The following BTBD9 variants were observed in gnomAD, a reference collection of about 807,000 sequenced individuals.
BTBD9 encodes BTB/POZ domain-containing protein 9.
Under a neutral mutation model 64.3 loss-of-function variants are expected in BTBD9, and 49 were observed. The ratio of observed to expected loss-of-function variants is 0.76; its 90% CI spans 0.61 to 0.97. The LOEUF is 0.97. BTBD9 is among the 50% of genes least tolerant of loss of function. The pLI is 0.00. For missense variants in BTBD9, 598 were observed against 762.1 expected (o/e 0.78, Z 2.53); for synonymous variants, 260 against 274.7 (o/e 0.95, Z 0.53).
chr6:38,226,610 G>A (rs1479558304), intron 9 of BTBD9, among the ~76,000 whole-genome samples: 1 of 152,212 alleles, frequency 6.6e-6, no homozygotes, highest in African/African-American at 2.4e-5. Context: ...CAAGGAGAAA[G>A]GTTAAGAATC....
chr6:38,246,232 A>G (rs939754900), intron 9 of BTBD9, among the ~76,000 whole-genome samples: 5 of 152,230 alleles, frequency 3.3e-5, no homozygotes, highest in African/African-American at 1.2e-4. Context: ...AATACAAAAG[A>G]TAAGTCCCCT....
At chr6:38,584,054 C>T (rs1208463089) in intron 4 of BTBD9, among the ~76,000 whole-genome samples, 2 of 152,078 alleles carry the variant, frequency 1.3e-5, no homozygotes, top group East Asian at 1.9e-4. Flanking sequence ...TGGCTGGGTA[C>T]AGTGGCTCAT....
chr6:38,466,550 C>T (rs371386326), intron 6 of BTBD9, among the ~76,000 whole-genome samples: 1 of 152,050 alleles, frequency 6.6e-6, no homozygotes, highest in African/African-American at 2.4e-5. Context: ...TCCTCGGCCT[C>T]CCAAATTGCT....
At chr6:38,562,234 T>G (rs1187054112) in intron 6 of BTBD9, among the ~76,000 whole-genome samples, 1 of 152,230 alleles carries the variant, frequency 6.6e-6, no homozygotes, top group Non-Finnish European at 1.5e-5. Flanking sequence ...AATGGAGATG[T>G]GTCTTATTCC....
intron 8 of BTBD9, among the ~76,000 whole-genome samples, chr6:38,265,321 T>C (rs1041597503): frequency 3.9e-5 from 6 of 152,052 alleles, no homozygotes; most frequent in South Asian, 4.1e-4. Flanking sequence ...ATATTTGATA[T>C]AGTATAATTA....
At chr6:38,505,025 C>T (rs1471992410) in intron 6 of BTBD9, among the ~76,000 whole-genome samples, 2 of 152,194 alleles carry the variant, frequency 1.3e-5, no homozygotes, top group Non-Finnish European at 2.9e-5. Context: ...AACAAAGTTG[C>T]TTATTCCTTC....
chr6:38,456,185 A>G (rs1464531059), intron 6 of BTBD9, among the ~76,000 whole-genome samples: 1 of 130,482 alleles, frequency 7.7e-6, no homozygotes, highest in Non-Finnish European at 1.7e-5. Context: ...AGGAGGTTTC[A>G]CCATGTTGGC....
At chr6:38,393,441 TA>T (rs1172144535) in intron 6 of BTBD9, among the ~76,000 whole-genome samples, 2 of 152,100 alleles carry the variant, frequency 1.3e-5, no homozygotes, top group Non-Finnish European at 2.9e-5. Flanking sequence ...AATTTTCTCT[TA>T]AATTTCAAAT....
At chr6:38,304,372 C>T (rs1342006018) in intron 7 of BTBD9, among the ~76,000 whole-genome samples, 4 of 151,898 alleles carry the variant, frequency 2.6e-5, no homozygotes, top group African/African-American at 4.8e-5. Context: ...ATAGTGAAAC[C>T]CCGTTTCTAC....
At chr6:38,344,154 C>G (rs1482343390) in intron 7 of BTBD9, among the ~76,000 whole-genome samples, 1 of 151,968 alleles carries the variant, frequency 6.6e-6, no homozygotes, top group Non-Finnish European at 1.5e-5. Context: ...GCTAATTGAT[C>G]TAAGCATGAT....
intron 8 of BTBD9, among the ~76,000 whole-genome samples, chr6:38,257,467 G>A (rs1764633268): frequency 1.3e-5 from 2 of 152,134 alleles, no homozygotes; most frequent in East Asian, 1.9e-4. Context: ...AAAGTGCCAG[G>A]ATTACAGGTG....
At chr6:38,519,600 A>G (rs942275526) in intron 6 of BTBD9, among the ~76,000 whole-genome samples, 3 of 152,176 alleles carry the variant, frequency 2.0e-5, no homozygotes, top group Non-Finnish European at 2.9e-5. Context: ...GTGTGGGAGG[A>G]ACTCAAGCTG....
At chr6:38,233,823 C>G (rs1326568710) in intron 9 of BTBD9, among the ~76,000 whole-genome samples, 2 of 152,216 alleles carry the variant, frequency 1.3e-5, no homozygotes, top group Non-Finnish European at 2.9e-5. Context: ...GAAAAGCCTT[C>G]TTTATAATGT....
chr6:38,431,708 C>T (rs1484060173), intron 6 of BTBD9, among the ~76,000 whole-genome samples: 1 of 152,066 alleles, frequency 6.6e-6, no homozygotes, highest in East Asian at 1.9e-4. Flanking sequence ...CATCCCCTAT[C>T]ATTTCTCCTC....
intron 9 of BTBD9, among the ~76,000 whole-genome samples, chr6:38,239,155 A>C (rs529076357): frequency 1.2e-4 from 19 of 152,286 alleles, no homozygotes; most frequent in Admixed American, 9.8e-4. Context: ...TCTCTTGGCC[A>C]GGAGCGGTGG....
intron 1 of BTBD9, among the ~76,000 whole-genome samples, chr6:38,629,928 C>A (rs1778305964): frequency 6.6e-6 from 1 of 151,978 alleles, no homozygotes; most frequent in Admixed American, 6.6e-5. Context: ...GGAGACCAGG[C>A]CAGGCGTGGT....
At chr6:38,566,893 T>C (rs1307781913) in intron 6 of BTBD9, among the ~76,000 whole-genome samples, 2 of 152,210 alleles carry the variant, frequency 1.3e-5, no homozygotes, top group Non-Finnish European at 2.9e-5. Context: ...GGAAGGCAGA[T>C]GGTAGTCACT....
intron 6 of BTBD9, among the ~76,000 whole-genome samples, chr6:38,571,099 CT>C (rs1346455767): frequency 2.0e-5 from 3 of 152,124 alleles, no homozygotes; most frequent in Non-Finnish European, 4.4e-5. Context: ...AAAAAGATAA[CT>C]TTTTAAAAAA....
chr6:38,475,160 T>C (rs1288786483), intron 6 of BTBD9, among the ~76,000 whole-genome samples: 1 of 152,154 alleles, frequency 6.6e-6, no homozygotes, highest in Non-Finnish European at 1.5e-5. Flanking sequence ...TTAAAAAGAA[T>C]ACATACATAT....
Sources: allele counts gnomAD v4.1 joint callset (sites outside exome capture counted in the v4.1 genomes callset), GRCh38; gene constraint gnomAD v4.1.1; transcripts MANE v1.5; gene names NCBI Gene and HGNC (gene_info 2026-07-23, HGNC 2026-07-21).